WDPCP: variants seen among roughly 807,000 people sequenced by gnomAD.
WDPCP encodes the protein WD repeat containing planar cell polarity effector.
WDPCP carries 71 observed loss-of-function variants against 93.1 expected under a neutral mutation model. The ratio of observed to expected loss-of-function variants is 0.76; its 90% confidence interval spans 0.63 to 0.93. The LOEUF (loss-of-function observed/expected upper bound fraction) is 0.93. WDPCP is among the 40% of genes least tolerant of loss of function. The probability of loss-of-function intolerance (pLI) is 0.00; values close to 1 mark genes in which losing one functional copy is unlikely to be tolerated. For synonymous variants in WDPCP, 315 were observed against 315.0 expected (o/e 1.00, Z 0.00); for missense variants, 844 against 887.4 (o/e 0.95, Z 0.62).
At chr2:63,814,713 T>C (rs1670906239) in intron 1 of WDPCP, among the ~76,000 whole-genome samples, 1 of 152,216 alleles carries the variant, frequency 6.6e-6, no homozygotes, top group South Asian at 2.1e-4. Context: ...TTAAATTGTG[T>C]TTTTGAAAAC....
At chr2:63,157,733 C>T (rs1672355914) in intron 15 of WDPCP, among the ~76,000 whole-genome samples, 1 of 151,968 alleles carries the variant, frequency 6.6e-6, no homozygotes, top group Non-Finnish European at 1.5e-5. Context: ...AGATAATGTA[C>T]CCTCTTTCGT....
chr2:63,492,796 C>A, intron 2 of WDPCP, 60 bp downstream of exon 2: 1 of 1,486,436 alleles, frequency 6.7e-7, no homozygotes, highest in Non-Finnish European at 9.4e-7. Flanking sequence ...TTTGCTAGTA[C>A]TTATTTATAA....
intron 17 of WDPCP, among the ~76,000 whole-genome samples, chr2:63,142,199 T>A (rs951445010): frequency 6.6e-6 from 1 of 152,210 alleles, no homozygotes; most frequent in Non-Finnish European, 1.5e-5. Flanking sequence ...TTGTTCTTGT[T>A]TCTGTAGTTC....
At chr2:63,560,028 C>T (rs1170935284) in intron 1 of WDPCP, among the ~76,000 whole-genome samples, 3 of 151,976 alleles carry the variant, frequency 2.0e-5, no homozygotes, top group African/African-American at 4.8e-5. Context: ...GTCAGGAGTT[C>T]GAGACCAACC....
chr2:63,649,031 AT>A (rs772283074), intron 3 of WDPCP, among the ~76,000 whole-genome samples: 9 of 152,360 alleles, frequency 5.9e-5, no homozygotes, highest in Non-Finnish European at 1.2e-4. Context: ...GCATTTAAAA[AT>A]TGAGATATAT....
At chr2:63,701,565 A>G (rs1669049228) in intron 2 of WDPCP, among the ~76,000 whole-genome samples, 1 of 152,264 alleles carries the variant, frequency 6.6e-6, no homozygotes, top group Non-Finnish European at 1.5e-5. Flanking sequence ...TTATTGCAGC[A>G]CTATTCATAA....
rs966724873 is a variant in WDPCP, at chr2:63,230,879, A to G, written c.1915+28428T>C. On this transcript the variant is annotated intron_variant, in intron 14 of 17. Transcript: ENST00000272321. ...TTGCAAAAATTTTCTCCCATTCTGTAGGTTGCCTGTTCACTCTGATGGTAG... is the reference window on the plus strand; with the variant it reads ...TTGCAAAAATTTTCTCCCATTCTGTGGGTTGCCTGTTCACTCTGATGGTAG... Among the ~76,000 whole-genome samples, 15 of 152,264 alleles carry G rather than the reference A, an allele frequency of 9.9e-5. No individual in the cohort carries two copies. In the Middle Eastern group the frequency reaches 0.01, roughly 104 times the overall value.
chr2:63,730,759 G>A (rs1022787959), intron 2 of WDPCP, among the ~76,000 whole-genome samples: 1 of 152,174 alleles, frequency 6.6e-6, no homozygotes, highest in African/African-American at 2.4e-5. Flanking sequence ...TGGGCACTTA[G>A]AGGAGAGTAT....
chr2:63,588,581 C>T (rs957254490), upstream of WDPCP: 1 of 537,386 alleles, frequency 1.9e-6, no homozygotes, highest in Non-Finnish European at 3.3e-6. Flanking sequence ...CCACGTTTAC[C>T]CTCATGGGAG....
chr2:63,231,950 C>G (rs906173809), intron 14 of WDPCP, among the ~76,000 whole-genome samples: 1 of 152,096 alleles, frequency 6.6e-6, no homozygotes, highest in Non-Finnish European at 1.5e-5. Context: ...GCTACAGTAC[C>G]CAAAACAGCA....
the WDPCP span, among the ~76,000 whole-genome samples, chr2:63,840,338 A>G: frequency 6.6e-6 from 1 of 152,224 alleles, no homozygotes; most frequent in South Asian, 2.1e-4. Context: ...GACTTCAAGA[A>G]TCTACCAAAA....
intron 1 of WDPCP, among the ~76,000 whole-genome samples, chr2:63,526,279 TTCTG>T (rs1703332770): frequency 6.6e-6 from 1 of 152,198 alleles, no homozygotes; most frequent in African/African-American, 2.4e-5. Context: ...AGCCTTCTGC[TTCTG>T]TCTCTCAGGA....
intron 1 of WDPCP, among the ~76,000 whole-genome samples, chr2:63,539,174 A>T (rs559456431): frequency 1.3e-5 from 2 of 152,334 alleles, no homozygotes; most frequent in Admixed American, 6.5e-5. Context: ...ATTAGTTTTT[A>T]AAAATTTATA....
chr2:63,518,561 G>C (rs1279529269), intron 1 of WDPCP: 1 of 152,504 alleles, frequency 6.6e-6, no homozygotes, highest in East Asian at 1.9e-4. Context: ...AGAGGGTTTG[G>C]TGTGGGAACA....
chr2:63,283,322 G>A (rs1376479813), intron 13 of WDPCP, among the ~76,000 whole-genome samples: 1 of 152,108 alleles, frequency 6.6e-6, no homozygotes, highest in Admixed American at 6.5e-5. Flanking sequence ...AGGATTACAG[G>A]TGCATGCCAC....
At chr2:63,602,934 C>CTTTTGTTTTT (rs1709452776) in intron 3 of WDPCP, among the ~76,000 whole-genome samples, 5 of 131,532 alleles carry the variant, frequency 3.8e-5, no homozygotes, top group Admixed American at 1.5e-4. Context: ...TTTAACCGTT[C>CTTTTGTTTTT]TTTTTTTTTT....
At chr2:63,201,420 T>C (rs947676771) in intron 14 of WDPCP, among the ~76,000 whole-genome samples, 1 of 152,208 alleles carries the variant, frequency 6.6e-6, no homozygotes, top group African/African-American at 2.4e-5. Context: ...TTGGTCATGA[T>C]ATAGTATTTT....
intron 2 of WDPCP, chr2:63,752,598 C>T: frequency 1.7e-6 from 1 of 582,174 alleles, no homozygotes; most frequent in Non-Finnish European, 3.1e-6. Flanking sequence ...AAGAGCTGCT[C>T]AGGCTCTTTA....
At chr2:63,728,928 C>T (rs897562136) in intron 2 of WDPCP, among the ~76,000 whole-genome samples, 3 of 152,108 alleles carry the variant, frequency 2.0e-5, no homozygotes, top group African/African-American at 7.2e-5. Context: ...CTAAGAGTTA[C>T]GTATTTCTAA....
Sources: gnomAD v4.1 joint callset for allele counts (sites outside exome capture counted in the v4.1 genomes callset) on GRCh38, gnomAD v4.1.1 for gene constraint, MANE v1.5 for transcripts, NCBI Gene and HGNC (gene_info 2026-07-23, HGNC 2026-07-21) for gene names.